Variants in STRN3 observed in about 807,000 individuals in gnomAD.
STRN3 encodes striatin-3.
In STRN3, 29 loss-of-function variants were observed where a neutral mutation model predicts 95.6. The ratio of observed to expected loss-of-function variants is 0.30; its 90% CI spans 0.23 to 0.41. The LOEUF (loss-of-function observed/expected upper bound fraction) is 0.41, where lower values mean the gene tolerates loss of function less well. STRN3 is among the 10% of genes least tolerant of loss of function. STRN3 has a pLI of 1.00. For synonymous variants in STRN3, 331 were observed against 357.6 expected (o/e 0.93, Z 0.84); for missense variants, 890 against 972.1 (o/e 0.92, Z 1.12).
At chr14:30,980,434 G>C (rs990525076) in intron 1 of STRN3, among the ~76,000 whole-genome samples, 3 of 151,706 alleles carry the variant, frequency 2.0e-5, no homozygotes, top group Admixed American at 1.3e-4. Flanking sequence ...TTGAGATGGA[G>C]TGTTGCTCTG....
Position 30,918,984 on chromosome 14 carries a change from C to A in STRN3, c.1222G>T (p.Gly408Cys). 1 of 1,590,770 alleles carries A rather than the reference C, an allele frequency of 6.3e-7. No homozygotes were observed. Among genetic ancestry groups the A allele is most frequent in the Non-Finnish European group, 8.6e-7 (1 of 1,167,426 alleles). ...TTTGTACCTTCCTCTGCTCTTGCAC[C>A]TTCATGATCAGTCATTCTAGTAGAG... Reference protein sequence around the residue: ...SASTRMTDHEGARAEEAEPIT... With the variant: ...SASTRMTDHECARAEEAEPIT... Residue 408 changes from glycine to cysteine, a missense_variant, in exon 9 of 18, where the codon GGT (glycine) becomes TGT (cysteine). This residue lies in a region of STRN3 where 526 missense variants were observed against 526.3 expected (regional missense o/e 1.00). Coordinates refer to ENST00000357479, the MANE Select transcript of STRN3 (RefSeq NM_001083893.2).
rs997822021 is a variant in STRN3, at chr14:30,997,198, G to T, written c.282+28706C>A. Among the ~76,000 whole-genome samples the T allele has an allele frequency of 1.8e-4, 28 of 152,030 alleles. 1 individual carries two copies. The highest frequency in any genetic ancestry group is 2.0e-4 in the Admixed American group (3 of 15,254). On this transcript the variant is annotated intron_variant, in intron 1 of 17. Coordinates refer to ENST00000357479, the MANE Select transcript of STRN3 (RefSeq NM_001083893.2). ...CATGGAAAAAGGAAATAACAGGGAC[G>T]CTGAAAAATGGGAGGGGGACATGAG... is the stretch of plus-strand genomic sequence containing the variant.
At chr14:30,974,728 T>TG (rs1384753681) in intron 1 of STRN3, among the ~76,000 whole-genome samples, 12 of 151,966 alleles carry the variant, frequency 7.9e-5, no homozygotes, top group Non-Finnish European at 8.8e-5. Context: ...CACTTGAGCC[T>TG]GGGGGGAGTA....
At chr14:30,919,541 T>C (rs2139015573) in intron 8 of STRN3, among the ~76,000 whole-genome samples, 1 of 152,228 alleles carries the variant, frequency 6.6e-6, no homozygotes, top group African/African-American at 2.4e-5. Flanking sequence ...TTTTAAAAAC[T>C]TAACAAAGGA....
Position 30,895,592 on chromosome 14 carries a change from C to T in STRN3, c.2225-12G>A. The T allele has an allele frequency of 1.2e-6, 2 of 1,609,938 alleles. No individual in the cohort carries two copies. Among genetic ancestry groups the T allele is most frequent in the Non-Finnish European group, 1.7e-6 (2 of 1,177,584 alleles). On this transcript the variant is annotated splice_polypyrimidine_tract_variant and intron_variant, in intron 17 of 17. Transcript: ENST00000357479. ...GGAACAGTCATGGCCTGTAAAAGAA[C>T]AAATAAAATTTGTTACTGAGTAACA... is the stretch of plus-strand genomic sequence containing the variant.
intron 1 of STRN3, among the ~76,000 whole-genome samples, chr14:31,007,344 G>A (rs1269590558): frequency 1.3e-5 from 2 of 152,170 alleles, no homozygotes; most frequent in African/African-American, 2.4e-5. Context: ...TAGACAATGT[G>A]ATGTGCTTGG....
At chr14:30,899,541 A>T (rs1407696625) in intron 16 of STRN3, among the ~76,000 whole-genome samples, 1 of 152,164 alleles carries the variant, frequency 6.6e-6, no homozygotes, top group Non-Finnish European at 1.5e-5. Context: ...AGTCCTCCTC[A>T]ATAGATTCTA....
At chr14:30,987,926 C>T (rs980322698) in intron 1 of STRN3, among the ~76,000 whole-genome samples, 2 of 151,938 alleles carry the variant, frequency 1.3e-5, no homozygotes, top group African/African-American at 2.4e-5. Context: ...TTAGTAGAGA[C>T]GGGGTTTCAC....
chr14:31,014,986 C>A (rs556268755), intron 1 of STRN3, among the ~76,000 whole-genome samples: 1 of 152,086 alleles, frequency 6.6e-6, no homozygotes, highest in African/African-American at 2.4e-5. Flanking sequence ...CGCCACCATG[C>A]CCGGCTAATT....
At chr14:31,018,919 T>G (rs1883372289) in intron 1 of STRN3, 1 of 269,168 alleles carries the variant, frequency 3.7e-6, no homozygotes, top group Non-Finnish European at 7.2e-6. Flanking sequence ...GGTCGGGAGT[T>G]TGAGACCAGA....
chr14:30,929,954 CAAAA>C (rs1191963792), intron 7 of STRN3, among the ~76,000 whole-genome samples: 22 of 40,002 alleles, frequency 5.5e-4, no homozygotes, highest in African/African-American at 1.6e-3. Context: ...CTAAGATTAG[CAAAA>C]AAAAAAAAAA....
In STRN3 at chr14:30,913,450, T is replaced by C. The variant is rs147838786; in HGVS notation, c.1374+74A>G. 1.7e-4 allele frequency: 247 copies of C among 1,425,546 alleles called. No individual in the cohort carries two copies. In the African/African-American group the frequency reaches 3.2e-3, roughly 18 times the overall value. The allele number at this position is 1,425,546 out of a possible 1,614,324, so 88.3% of individuals were successfully genotyped here. A position where few individuals can be genotyped will look rare whatever the true frequency, so the allele number is the denominator to read the frequency against. On this transcript the variant is annotated intron_variant, in intron 10 of 17. Transcript: ENST00000357479. ...TCCATGCACCTTGATATTAATTCTG[T>C]TTTATAAGTGATTCCAAAAAATAAG...
At position 31,013,889 on chromosome 14, in the gene STRN3, T is replaced by TATTATTATTATTATTTGAGACAGAGTGTC. The variant is rs1555327145; in HGVS notation, c.282+12014_282+12015insGACACTCTGTCTCAAATAATAATAATAAT. On this transcript the variant is annotated intron_variant, in intron 1 of 17. Coordinates refer to ENST00000357479, the MANE Select transcript of STRN3 (RefSeq NM_001083893.2). Reference sequence around the variant, plus strand: ...TTATTATTATTATTATTATTATTATTATTATTATTATTATTATTATTATTA... The same window carrying TATTATTATTATTATTTGAGACAGAGTGTC: ...TTATTATTATTATTATTATTATTATTATTATTATTATTATTTGAGACAGAGTGTCATTATTATTATTATTATTATTATTA... Among the ~76,000 whole-genome samples the TATTATTATTATTATTTGAGACAGAGTGTC allele has an allele frequency of 2.3e-3, 333 of 141,964 alleles. 1 individual carries two copies. The highest frequency in any genetic ancestry group is 3.6e-3 in the Middle Eastern group (1 of 276). 93.1% of individuals were successfully genotyped at this position (141,964 alleles called of 152,430 possible).
intron 1 of STRN3, among the ~76,000 whole-genome samples, chr14:30,992,670 T>C (rs1882019478): frequency 1.3e-5 from 2 of 151,304 alleles, no homozygotes; most frequent in South Asian, 4.2e-4. Context: ...CTACTGGTGC[T>C]CAGCTCAATT....
chr14:30,965,739 G>A (rs1880457531), intron 1 of STRN3, among the ~76,000 whole-genome samples: 2 of 126,028 alleles, frequency 1.6e-5, no homozygotes, highest in Non-Finnish European at 3.1e-5. Context: ...GCTTGTACCA[G>A]CCTGGGTGAC....
intron 1 of STRN3, among the ~76,000 whole-genome samples, chr14:30,984,134 C>T (rs1230211043): frequency 8.7e-6 from 1 of 114,840 alleles, no homozygotes; most frequent in Admixed American, 9.6e-5. Context: ...CCCGCCCCCC[C>T]CAACCCCCCC....
chr14:30,965,270 C>A (rs1880426858), intron 1 of STRN3, among the ~76,000 whole-genome samples: 1 of 152,202 alleles, frequency 6.6e-6, no homozygotes, highest in Non-Finnish European at 1.5e-5. Flanking sequence ...CTAAAGAAGA[C>A]AGCAGGCCAA....
At chr14:30,946,247 A>C (rs575794021) in intron 5 of STRN3, among the ~76,000 whole-genome samples, 3 of 152,310 alleles carry the variant, frequency 2.0e-5, no homozygotes, top group African/African-American at 7.2e-5. Context: ...TTCTGTTGTT[A>C]TCAAAACTTA....
At chr14:30,977,814 A>C (rs1430629763) in intron 1 of STRN3, among the ~76,000 whole-genome samples, 1 of 151,344 alleles carries the variant, frequency 6.6e-6, no homozygotes, top group African/African-American at 2.4e-5. Flanking sequence ...AAAAAAAAAA[A>C]AAACATGAAA....
Sources: gnomAD v4.1 joint callset for allele counts (sites outside exome capture counted in the v4.1 genomes callset) on GRCh38, gnomAD v4.1.1 for gene constraint, gnomAD v4.1.1 regional missense constraint, MANE v1.5 for transcripts, NCBI Gene and HGNC (gene_info 2026-07-23, HGNC 2026-07-21) for gene names.